The following FHIT variants were observed in gnomAD, a reference collection of about 807,000 sequenced individuals.
FHIT encodes the protein bis(5'-adenosyl)-triphosphatase.
Under a neutral mutation model 17.9 loss-of-function variants are expected in FHIT, and 19 were observed. That is an observed-to-expected ratio of 1.06 (90% confidence interval 0.74 to 1.56). The LOEUF (loss-of-function observed/expected upper bound fraction) is 1.56, where lower values mean the gene tolerates loss of function less well. FHIT is among the 40% of genes most tolerant of loss of function. The pLI is 0.00. For synonymous variants in FHIT, 81 were observed against 69.7 expected, an observed-to-expected ratio of 1.16 and a Z score of -0.81; for missense variants, 248 against 189.2, an observed-to-expected ratio of 1.31 and a Z score of -1.82.
At chr3:60,248,349 G>A (rs1705511292) in intron 5 of FHIT, among the ~76,000 whole-genome samples, 1 of 152,048 alleles carries the variant, frequency 6.6e-6, no homozygotes, top group Admixed American at 6.6e-5. Flanking sequence ...AGATCAACTG[G>A]GGATCTGTGA....
chr3:59,973,170 T>A lies in FHIT; in HGVS notation c.279+38201A>T, dbSNP rs74945209. 5.9e-3 allele frequency among the ~76,000 whole-genome samples: 904 copies of A among 152,266 alleles called. 59 individuals are homozygous for A. The East Asian group carries it at 0.14, about 23-fold the overall frequency. ...AACTCTTGACTGTCTTCCAAATGCATCTTGCCTTATCCACTCGCATTTCCT... is the reference window on the plus strand; with the variant it reads ...AACTCTTGACTGTCTTCCAAATGCAACTTGCCTTATCCACTCGCATTTCCT... On this transcript the variant is annotated intron_variant, in intron 7 of 9. Coordinates refer to ENST00000492590, the MANE Select transcript of FHIT (RefSeq NM_002012.4).
At chr3:60,395,011 C>T (rs948718957) in intron 5 of FHIT, among the ~76,000 whole-genome samples, 26 of 152,094 alleles carry the variant, frequency 1.7e-4, no homozygotes, top group Non-Finnish European at 3.4e-4. Flanking sequence ...CTAGATGATA[C>T]AATAAAATAA....
At chr3:60,807,912 T>C (rs1701453207) in intron 4 of FHIT, among the ~76,000 whole-genome samples, 1 of 152,208 alleles carries the variant, frequency 6.6e-6, no homozygotes, top group South Asian at 2.1e-4. Context: ...TTAAATAAGA[T>C]GTCGATAAAG....
chr3:60,400,363 C>T (rs1174113761), intron 5 of FHIT, among the ~76,000 whole-genome samples: 9 of 152,122 alleles, frequency 5.9e-5, no homozygotes, highest in Admixed American at 5.9e-4. Flanking sequence ...GAAAAAGCTC[C>T]AAGAGGAGCT....
chr3:60,297,841 C>A (rs1708282775), intron 5 of FHIT, among the ~76,000 whole-genome samples: 1 of 152,062 alleles, frequency 6.6e-6, no homozygotes, highest in African/African-American at 2.4e-5. Context: ...TCAGATCCAA[C>A]AGGTTAGGGG....
rs531635071 is a variant in FHIT, at chr3:60,227,222, T to C, written c.104-213070A>G. Among the ~76,000 whole-genome samples, 7 of 152,314 alleles carry C rather than the reference T, an allele frequency of 4.6e-5. No individual in the cohort carries two copies. In the South Asian group the frequency reaches 6.2e-4, roughly 14 times the overall value. On this transcript the variant is annotated intron_variant, in intron 5 of 9. Coordinates refer to ENST00000492590, the MANE Select transcript of FHIT (RefSeq NM_002012.4). ...TCCCCACCAGTTTCACAGAACTGCATTGGAAAATGACTTTTACCAAGATTC... is the reference window on the plus strand; with the variant it reads ...TCCCCACCAGTTTCACAGAACTGCACTGGAAAATGACTTTTACCAAGATTC...
At chr3:60,765,219 A>G (rs142842761) in intron 4 of FHIT, among the ~76,000 whole-genome samples, 242 of 152,328 alleles carry the variant, frequency 1.6e-3, no homozygotes, top group African/African-American at 5.6e-3. Flanking sequence ...TACCTTCTAG[A>G]ATGATGTTAC....
At chr3:60,708,539 C>T (rs2041431641) in intron 4 of FHIT, among the ~76,000 whole-genome samples, 2 of 152,226 alleles carry the variant, frequency 1.3e-5, no homozygotes, top group African/African-American at 2.4e-5. Context: ...CTGAAAAAGG[C>T]GAATGTAGTG....
At chr3:60,114,072 T>TATATATATATATATATATATAA (rs1292373651) in intron 5 of FHIT, among the ~76,000 whole-genome samples, 2 of 82,342 alleles carry the variant, frequency 2.4e-5, no homozygotes, top group African/African-American at 5.9e-5. Flanking sequence ...TATATATATA[T>TATATATATATATATATATATAA]AATGTTATAT....
intron 3 of FHIT, among the ~76,000 whole-genome samples, chr3:60,981,266 C>T (rs931842760): frequency 1.1e-4 from 16 of 151,428 alleles, no homozygotes; most frequent in African/African-American, 3.6e-4. Context: ...TCTGACCAGG[C>T]CTTTTCTCCT....
At chr3:60,476,606 A>G (rs1406135242) in intron 5 of FHIT, among the ~76,000 whole-genome samples, 1 of 152,166 alleles carries the variant, frequency 6.6e-6, no homozygotes, top group Non-Finnish European at 1.5e-5. Flanking sequence ...GCTGGTTCTC[A>G]GGAGGGGTAT....
chr3:60,642,320 A>G (rs2039745814), intron 4 of FHIT, among the ~76,000 whole-genome samples: 2 of 152,212 alleles, frequency 1.3e-5, no homozygotes, highest in South Asian at 4.1e-4. Flanking sequence ...AATACATAAG[A>G]TCTTCAAAGC....
At chr3:59,947,298 T>C (rs1477036070) in intron 7 of FHIT, among the ~76,000 whole-genome samples, 2 of 152,212 alleles carry the variant, frequency 1.3e-5, no homozygotes, top group African/African-American at 4.8e-5. Flanking sequence ...TTTGTGTGCA[T>C]AGAAGTAGTA....
At chr3:61,003,560 G>C (rs1420336337) in intron 3 of FHIT, among the ~76,000 whole-genome samples, 1 of 152,186 alleles carries the variant, frequency 6.6e-6, no homozygotes, top group Non-Finnish European at 1.5e-5. Context: ...AGCTATGACT[G>C]CTCTAGTACT....
Position 60,084,161 on chromosome 3 carries a change from G to T in FHIT, c.104-70009C>A, listed in dbSNP as rs1428503340. ...AGGATAATACTGAAAGGTTCAGAGG[G>T]GTAACCTCTGGAAAATGGAATCAGG... On this transcript the variant is annotated intron_variant, in intron 5 of 9. Transcript: ENST00000492590. Among the ~76,000 whole-genome samples the T allele has an allele frequency of 5.9e-5, 9 of 152,218 alleles. No homozygotes were observed. The East Asian group carries it at 1.7e-3, about 29-fold the overall frequency.
intron 4 of FHIT, among the ~76,000 whole-genome samples, chr3:60,570,912 C>T (rs2037356197): frequency 1.3e-5 from 2 of 151,932 alleles, no homozygotes; most frequent in African/African-American, 4.8e-5. Flanking sequence ...GCCATTGTAG[C>T]TCTCAGAAGA....
chr3:59,960,230 C>T (rs1707605371), intron 7 of FHIT, among the ~76,000 whole-genome samples: 1 of 152,168 alleles, frequency 6.6e-6, no homozygotes, highest in East Asian at 1.9e-4. Flanking sequence ...CAACCTGTAA[C>T]AGGTCACTTA....
intron 7 of FHIT, among the ~76,000 whole-genome samples, chr3:59,946,080 G>C (rs1314115756): frequency 6.6e-6 from 1 of 152,312 alleles, no homozygotes; most frequent in East Asian, 1.9e-4. Context: ...TTGGTAGTTT[G>C]ATAGGAACAG....
chr3:61,235,600 G>A (rs968052459), intron 1 of FHIT, among the ~76,000 whole-genome samples: 8 of 152,044 alleles, frequency 5.3e-5, no homozygotes, highest in Admixed American at 2.0e-4. Context: ...TACTTGGGAG[G>A]CTGAGACAGG....
Sources: gnomAD v4.1 joint callset for allele counts (sites outside exome capture counted in the v4.1 genomes callset) on GRCh38, gnomAD v4.1.1 for gene constraint, MANE v1.5 for transcripts, NCBI Gene and HGNC (gene_info 2026-07-23, HGNC 2026-07-21) for gene names.